The following HCRTR2 variants were observed in gnomAD, a reference collection of about 807,000 sequenced individuals.
HCRTR2 encodes the protein orexin receptor type 2.
In HCRTR2, 22 loss-of-function variants were observed where a neutral mutation model predicts 49.0. The ratio of observed to expected loss-of-function variants is 0.45; its 90% CI spans 0.32 to 0.64. The LOEUF (loss-of-function observed/expected upper bound fraction) is 0.64. Among genes scored for constraint, HCRTR2 ranks in the 30% least tolerant of loss-of-function variants. The probability of loss-of-function intolerance (pLI) is 0.04; values close to 1 mark genes in which losing one functional copy is unlikely to be tolerated. For synonymous variants in HCRTR2, 236 were observed against 205.3 expected, an observed-to-expected ratio of 1.15 and a Z score of -1.28; for missense variants, 491 against 559.4, an observed-to-expected ratio of 0.88 and a Z score of 1.23.
At chr6:55,151,943 T>C (rs923768962) in intron 1 of HCRTR2, among the ~76,000 whole-genome samples, 1 of 152,014 alleles carries the variant, frequency 6.6e-6, no homozygotes, top group Non-Finnish European at 1.5e-5. Context: ...TGAGCAGTAC[T>C]ATCTTAAAAG....
At chr6:55,205,459 G>A (rs1301073835) in intron 1 of HCRTR2, among the ~76,000 whole-genome samples, 2 of 152,036 alleles carry the variant, frequency 1.3e-5, no homozygotes, top group Admixed American at 6.6e-5. Flanking sequence ...GTGAAATGTA[G>A]AATGAAAGTC....
intron 1 of HCRTR2, among the ~76,000 whole-genome samples, chr6:55,235,654 A>G (rs1002595181): frequency 2.6e-5 from 4 of 152,082 alleles, no homozygotes; most frequent in African/African-American, 9.6e-5. Flanking sequence ...ATGTTTGTAT[A>G]TGATGTGATG....
chr6:55,279,049 T>G (rs1329454572), intron 5 of HCRTR2, among the ~76,000 whole-genome samples: 1 of 152,060 alleles, frequency 6.6e-6, no homozygotes, highest in Non-Finnish European at 1.5e-5. Flanking sequence ...ATCCCTTCCT[T>G]TCCAAGGAAA....
intron 1 of HCRTR2, among the ~76,000 whole-genome samples, chr6:55,227,335 G>C (rs900809631): frequency 6.6e-6 from 1 of 152,134 alleles, no homozygotes; most frequent in African/African-American, 2.4e-5. Context: ...GATTATTTAA[G>C]TAGGTTGGCT....
intron 1 of HCRTR2, among the ~76,000 whole-genome samples, chr6:55,135,577 T>C (rs942733018): frequency 6.6e-6 from 1 of 152,188 alleles, no homozygotes; most frequent in African/African-American, 2.4e-5. Context: ...GAATTTGGGT[T>C]AAAAATTTCA....
downstream of HCRTR2, among the ~76,000 whole-genome samples, chr6:55,283,389 A>T (rs138345054): frequency 2.0e-4 from 31 of 152,132 alleles, no homozygotes; most frequent in East Asian, 5.8e-3. Flanking sequence ...TACCAAGGAC[A>T]GTGGTCTTCA....
At chr6:55,134,924 C>A (rs904427885) in intron 1 of HCRTR2, among the ~76,000 whole-genome samples, 35 of 151,896 alleles carry the variant, frequency 2.3e-4, no homozygotes, top group African/African-American at 8.5e-4. Flanking sequence ...CATACTTTGG[C>A]AATTATTAAT....
At chr6:55,231,468 G>A (rs1451896718) in intron 1 of HCRTR2, among the ~76,000 whole-genome samples, 1 of 152,018 alleles carries the variant, frequency 6.6e-6, no homozygotes, top group Non-Finnish European at 1.5e-5. Flanking sequence ...ATCTGAAAGT[G>A]TTCCACTTAT....
chr6:55,186,931 AAAT>A (rs1172769144), intron 1 of HCRTR2, among the ~76,000 whole-genome samples: 9 of 152,214 alleles, frequency 5.9e-5, no homozygotes, highest in African/African-American at 2.2e-4. Flanking sequence ...ACAATGGAAA[AAAT>A]AATAACACTT....
intron 1 of HCRTR2, among the ~76,000 whole-genome samples, chr6:55,194,060 G>A (rs559339181): frequency 1.2e-4 from 18 of 151,852 alleles, no homozygotes; most frequent in South Asian, 8.3e-4. Context: ...ATTCTTTCCC[G>A]TGATCATAGA....
rs140093732 is a variant in HCRTR2 at position 55,114,194 on chromosome 6, G to A, written c.-378+7649G>A. ...AGTGCACACTGCTCAGGTTATGGGT[G>A]CACCAAAATCTCAGAAATCACCACA... On this transcript the variant is annotated intron_variant, in intron 1 of 7. Coordinates refer to the HCRTR2 transcript ENST00000615358. 3.9e-3 allele frequency among the ~76,000 whole-genome samples: 598 copies of A among 151,756 alleles called. 3 individuals carry two copies. The highest frequency in any genetic ancestry group is 0.014 in the African/African-American group (582 of 41,458).
At chr6:55,253,537 T>A (rs1488719799) in intron 2 of HCRTR2, among the ~76,000 whole-genome samples, 1 of 152,066 alleles carries the variant, frequency 6.6e-6, no homozygotes, top group Middle Eastern at 3.2e-3. Context: ...TCACCACTAT[T>A]AATGGATTAA....
At chr6:55,188,870 G>A (rs139657513) in intron 1 of HCRTR2, among the ~76,000 whole-genome samples, 1 of 152,316 alleles carries the variant, frequency 6.6e-6, no homozygotes, top group African/African-American at 2.4e-5. Context: ...TGAGGAGGTA[G>A]CATTTTGAGT....
intron 1 of HCRTR2, among the ~76,000 whole-genome samples, chr6:55,138,893 T>C (rs1238970746): frequency 6.6e-6 from 1 of 152,202 alleles, no homozygotes; most frequent in Non-Finnish European, 1.5e-5. Flanking sequence ...TTCCAGATGC[T>C]AGGAATAAAG....
chr6:55,188,221 C>T (rs1159413076), intron 1 of HCRTR2, among the ~76,000 whole-genome samples: 1 of 152,134 alleles, frequency 6.6e-6, no homozygotes, highest in African/African-American at 2.4e-5. Flanking sequence ...GTAAACTTAA[C>T]CAAAAGGGAC....
At chr6:55,229,592 A>T (rs1294278670) in intron 1 of HCRTR2, among the ~76,000 whole-genome samples, 1 of 152,198 alleles carries the variant, frequency 6.6e-6, no homozygotes, top group Non-Finnish European at 1.5e-5. Context: ...AACATCATAG[A>T]TGAACCTGCA....
At chr6:55,110,642 A>T (rs1040813906) in intron 1 of HCRTR2, among the ~76,000 whole-genome samples, 1 of 152,042 alleles carries the variant, frequency 6.6e-6, no homozygotes. Context: ...GAGGGACATT[A>T]TATAAAGATA....
chr6:55,160,007 G>T (rs12214155), intron 1 of HCRTR2, among the ~76,000 whole-genome samples: 1 of 152,070 alleles, frequency 6.6e-6, no homozygotes, highest in East Asian at 1.9e-4. Flanking sequence ...GATACTCCTC[G>T]AGAAAAACAA....
chr6:55,226,711 GTTTTTTTTT>G lies in HCRTR2; in HGVS notation c.224-21912_224-21904del, dbSNP rs777871106. On this transcript the variant is annotated intron_variant, in intron 1 of 6. Transcript: ENST00000370862. Reference sequence around the variant, plus strand: ...TGTAGAGTGATACCAAATTCCAGGTGTTTTTTTTTTTTTTTTTTTTTTTTGAGACAGAGT... The same window carrying G: ...TGTAGAGTGATACCAAATTCCAGGTGTTTTTTTTTTTTTTTGAGACAGAGT... Among the ~76,000 whole-genome samples, 489 of 74,328 alleles carry G rather than the reference GTTTTTTTTT, an allele frequency of 6.6e-3. 7 individuals carry two copies. Among genetic ancestry groups the G allele is most frequent in the African/African-American group, 0.027 (463 of 16,846 alleles). 48.8% of individuals were successfully genotyped at this position (74,328 alleles called of 152,430 possible).
Sources: allele counts gnomAD v4.1 joint callset (sites outside exome capture counted in the v4.1 genomes callset), GRCh38; gene constraint gnomAD v4.1.1; transcripts MANE v1.5; gene names NCBI Gene and HGNC (gene_info 2026-07-23, HGNC 2026-07-21).